CDKAL1: variants seen among roughly 807,000 people sequenced by gnomAD.
CDKAL1 encodes CDKAL1 threonylcarbamoyladenosine tRNA methylthiotransferase, also known as threonylcarbamoyladenosine tRNA methylthiotransferase.
Under a neutral mutation model 68.2 loss-of-function variants are expected in CDKAL1, and 32 were observed. The observed-to-expected ratio is 0.47, with a 90% confidence interval of 0.35 to 0.63. CDKAL1 has a LOEUF of 0.63. Ranked by LOEUF, CDKAL1 falls within the 30% of genes least tolerant of loss-of-function variation. CDKAL1 has a pLI of 0.00. For missense variants in CDKAL1, 606 were observed against 696.7 expected (o/e 0.87, Z 1.47); for synonymous variants, 234 against 244.3 (o/e 0.96, Z 0.39).
intron 5 of CDKAL1, among the ~76,000 whole-genome samples, chr6:20,734,863 C>CTTTTT (rs34104100): frequency 2.5e-4 from 22 of 87,714 alleles, no homozygotes; most frequent in African/African-American, 4.4e-4. Context: ...TGCTGCACCT[C>CTTTTT]TTTTTTTTTT....
Position 20,663,291 on chromosome 6 carries a change from C to G in CDKAL1, c.371+13914C>G, listed in dbSNP as rs182976888. ...TGTTGCTCCCAACAGAATTGGGATTCTGTTAGTAAGGGAGATGGGGCTAAT... is the reference window on the plus strand; with the variant it reads ...TGTTGCTCCCAACAGAATTGGGATTGTGTTAGTAAGGGAGATGGGGCTAAT... On this transcript the variant is annotated intron_variant, in intron 5 of 15. Coordinates refer to ENST00000274695, the MANE Select transcript of CDKAL1 (RefSeq NM_017774.3). Among the ~76,000 whole-genome samples the G allele has an allele frequency of 2.7e-3, 410 of 151,604 alleles. 1 individual carries two copies. The highest frequency in any genetic ancestry group is 9.5e-3 in the African/African-American group (391 of 41,316).
At chr6:20,850,064 T>G (rs906616579) in intron 9 of CDKAL1, among the ~76,000 whole-genome samples, 2 of 152,234 alleles carry the variant, frequency 1.3e-5, no homozygotes, top group Non-Finnish European at 2.9e-5. Flanking sequence ...TTTAGTTATT[T>G]AATAATTCAG....
chr6:20,814,904 C>T (rs1344916738), intron 8 of CDKAL1, among the ~76,000 whole-genome samples: 1 of 152,156 alleles, frequency 6.6e-6, no homozygotes, highest in African/African-American at 2.4e-5. Flanking sequence ...ACTATTTTTA[C>T]ATTGCTAAGG....
At chr6:20,915,111 T>A (rs1418968263) in intron 9 of CDKAL1, among the ~76,000 whole-genome samples, 8 of 151,774 alleles carry the variant, frequency 5.3e-5, no homozygotes. Flanking sequence ...AAAAGAAATA[T>A]ATAAATTTAT....
In CDKAL1 at chr6:21,230,897, C is replaced by T; in HGVS notation, c.1598C>T (p.Ser533Phe). The change falls in exon 16 of 16, where the codon TCT (serine) becomes TTT (phenylalanine). Residue 533 changes from serine to phenylalanine, a missense_variant. Transcript: ENST00000274695. ...CAGCTGAGTTCAGGATCCCACACCT[C>T]TGCTGCATCTCAGTGTGACTCAGCG... ...GNQLSSGSHT[S>F]AASQCDSASS... 1 of 1,613,904 alleles carries T rather than the reference C, an allele frequency of 6.2e-7. No individual in the cohort carries two copies. Among genetic ancestry groups the T allele is most frequent in the Non-Finnish European group, 8.5e-7 (1 of 1,179,818 alleles).
chr6:20,778,249 G>T (rs1352876391), intron 7 of CDKAL1, among the ~76,000 whole-genome samples: 1 of 152,000 alleles, frequency 6.6e-6, no homozygotes, highest in Non-Finnish European at 1.5e-5. Flanking sequence ...GACACCAAAA[G>T]CATGAGCCAT....
chr6:21,052,364 T>C (rs1043463256), intron 11 of CDKAL1, among the ~76,000 whole-genome samples: 8 of 152,106 alleles, frequency 5.3e-5, no homozygotes, highest in Admixed American at 6.5e-5. Flanking sequence ...TTTTTTCTTA[T>C]TAGAGGTGGA....
intron 10 of CDKAL1, among the ~76,000 whole-genome samples, chr6:20,971,308 G>C (rs964131874): frequency 1.3e-5 from 2 of 152,230 alleles, no homozygotes; most frequent in South Asian, 4.1e-4. Context: ...TTTCTTGATA[G>C]ATGATGTCCC....
At chr6:20,889,310 A>G (rs937576850) in intron 9 of CDKAL1, among the ~76,000 whole-genome samples, 1 of 151,950 alleles carries the variant, frequency 6.6e-6, no homozygotes, top group African/African-American at 2.4e-5. Context: ...ATTTTCTCCC[A>G]TGTTGTAGGT....
rs531420083 is a variant in CDKAL1 at position 21,140,745 on chromosome 6, G to C, written c.1299+32282G>C. Among the ~76,000 whole-genome samples the C allele has an allele frequency of 3.3e-5, 5 of 152,262 alleles. No homozygotes were observed. The South Asian group carries it at 1.0e-3, about 32-fold the overall frequency. The stretch of plus-strand genomic sequence containing the variant: ...TAGCGCTCAGCATTAAAAAACACTG[G>C]GTTCCTTAAAAACTTGTCCTGCTTG... On this transcript the variant is annotated intron_variant, in intron 13 of 15. Coordinates refer to ENST00000274695, the MANE Select transcript of CDKAL1 (RefSeq NM_017774.3).
chr6:20,894,148 T>C (rs1761552909), intron 9 of CDKAL1, among the ~76,000 whole-genome samples: 2 of 152,202 alleles, frequency 1.3e-5, no homozygotes, highest in Non-Finnish European at 2.9e-5. Flanking sequence ...TAAAGTGTTA[T>C]TTTGGTGACA....
chr6:20,675,414 A>G (rs1478067001), intron 5 of CDKAL1, among the ~76,000 whole-genome samples: 1 of 152,124 alleles, frequency 6.6e-6, no homozygotes, highest in African/African-American at 2.4e-5. Flanking sequence ...AATTGGGGCA[A>G]TTTTGGTAAT....
At chr6:21,036,534 A>G (rs1769608156) in intron 11 of CDKAL1, among the ~76,000 whole-genome samples, 1 of 152,218 alleles carries the variant, frequency 6.6e-6, no homozygotes, top group Non-Finnish European at 1.5e-5. Flanking sequence ...TATGAGATTC[A>G]GATATTTTCC....
chr6:20,589,401 C>T (rs913415006), intron 4 of CDKAL1, among the ~76,000 whole-genome samples: 1 of 152,184 alleles, frequency 6.6e-6, no homozygotes, highest in African/African-American at 2.4e-5. Flanking sequence ...CAGATTGCTT[C>T]CTGTTTGAGT....
intron 2 of CDKAL1, among the ~76,000 whole-genome samples, chr6:20,538,295 C>G (rs1414793379): frequency 6.6e-6 from 1 of 151,066 alleles, no homozygotes; most frequent in Non-Finnish European, 1.5e-5. Flanking sequence ...TTCCTTTACG[C>G]ATTGTTTTCT....
At chr6:21,197,918 G>T in intron 13 of CDKAL1, 103 bp from the exon 14 acceptor site, 2 of 575,362 alleles carry the variant, frequency 3.5e-6, no homozygotes, top group Admixed American at 3.2e-5. Context: ...TCAAGAAGAC[G>T]CTACTTGGTC....
At chr6:20,924,971 T>C (rs1442804789) in intron 9 of CDKAL1, among the ~76,000 whole-genome samples, 1 of 152,228 alleles carries the variant, frequency 6.6e-6, no homozygotes, top group Non-Finnish European at 1.5e-5. Context: ...TTTGAGAGGA[T>C]TGACTCCAAT....
intron 9 of CDKAL1, among the ~76,000 whole-genome samples, chr6:20,903,371 A>G (rs1387289133): frequency 6.6e-6 from 1 of 152,222 alleles, no homozygotes; most frequent in Non-Finnish European, 1.5e-5. Context: ...GCACATGTTC[A>G]TTACTTTACT....
At position 20,765,235 on chromosome 6, in the gene CDKAL1, C is replaced by T. The variant is rs1286740461; in HGVS notation, c.517+6592C>T. ...GCAGTGGCGGGATCTCGGCTCACTG[C>T]AAGCTCCGCCTCCCGGGTTCACGCC... On this transcript the variant is annotated intron_variant, in intron 7 of 15. Transcript: ENST00000274695. 3.4e-5 allele frequency among the ~76,000 whole-genome samples: 3 copies of T among 87,300 alleles called. 1 individual carries two copies. The East Asian group carries it at 2.0e-3, about 58-fold the overall frequency. The allele number at this position is 87,300 out of a possible 152,430, so 57.3% of individuals were successfully genotyped here.
Sources: gnomAD v4.1 joint callset for allele counts (sites outside exome capture counted in the v4.1 genomes callset) on GRCh38, gnomAD v4.1.1 for gene constraint, MANE v1.5 for transcripts, NCBI Gene and HGNC (gene_info 2026-07-23, HGNC 2026-07-21) for gene names.